Variants in RGS6 observed in about 807,000 individuals in gnomAD.
RGS6 encodes the protein regulator of G protein signaling 6, also known as regulator of G-protein signaling 6.
RGS6 carries 30 observed loss-of-function variants against 78.5 expected under a neutral mutation model. That is an observed-to-expected ratio of 0.38 (90% confidence interval 0.29 to 0.52). The LOEUF (loss-of-function observed/expected upper bound fraction) is 0.52, where lower values mean the gene tolerates loss of function less well. RGS6 is among the 20% of genes least tolerant of loss of function. The pLI, the probability that RGS6 is intolerant of heterozygous loss-of-function variation, is 0.85. For missense variants in RGS6, 495 were observed against 609.7 expected (o/e 0.81, Z 1.98); for synonymous variants, 206 against 206.0 (o/e 1.00, Z 0.00).
intron 2 of RGS6, among the ~76,000 whole-genome samples, chr14:72,222,738 A>G (rs1316666993): frequency 1.3e-5 from 2 of 152,224 alleles, no homozygotes; most frequent in Admixed American, 6.5e-5. Flanking sequence ...ACTAATAGAG[A>G]TGTTATTAGT....
chr14:72,182,880 T>C (rs1279771960), intron 2 of RGS6, among the ~76,000 whole-genome samples: 13 of 152,208 alleles, frequency 8.5e-5, no homozygotes, highest in Admixed American at 8.5e-4. Flanking sequence ...CATTTAGTGT[T>C]GTTGTCGTTG....
chr14:72,404,859 A>G (rs962614043), intron 3 of RGS6, among the ~76,000 whole-genome samples: 4 of 152,154 alleles, frequency 2.6e-5, no homozygotes, highest in Admixed American at 2.0e-4. Flanking sequence ...GGTGGCACCC[A>G]CTGTAAGAGA....
chr14:72,093,134 A>G (rs1181743289), intron 2 of RGS6, among the ~76,000 whole-genome samples: 1 of 152,170 alleles, frequency 6.6e-6, no homozygotes, highest in African/African-American at 2.4e-5. Flanking sequence ...AGCCTCATGT[A>G]TATCCCTCTT....
chr14:72,148,675 G>A (rs1008658184), intron 2 of RGS6, among the ~76,000 whole-genome samples: 1 of 152,104 alleles, frequency 6.6e-6, no homozygotes, highest in Non-Finnish European at 1.5e-5. Context: ...TGGGGGCAGG[G>A]TTATTAGCAT....
chr14:72,476,832 C>G lies in RGS6; in HGVS notation c.784C>G (p.Arg262Gly), dbSNP rs1396901014. ...CAGGAAAACAACAAAAGAGGACATCCGGAAACAGGTGAATGAATTGACAGC... is the reference window on the plus strand; with the variant it reads ...CAGGAAAACAACAAAAGAGGACATCGGGAAACAGGTGAATGAATTGACAGC... ...PIRKTTKEDI[R>G]KQITFLNAQI... Residue 262 changes from arginine (R) to glycine (G), a missense_variant, in exon 11 of 18, where the codon CGG (arginine) becomes GGG (glycine). Coordinates refer to ENST00000553525, the MANE Select transcript of RGS6 (RefSeq NM_001204424.2). 6.2e-7 allele frequency: 1 copy of G among 1,613,760 alleles called. No homozygotes were observed. The highest frequency in any genetic ancestry group is 8.5e-7 in the Non-Finnish European group (1 of 1,179,780).
intron 2 of RGS6, among the ~76,000 whole-genome samples, chr14:72,065,207 A>G (rs1490166739): frequency 6.6e-6 from 1 of 152,166 alleles, no homozygotes; most frequent in Non-Finnish European, 1.5e-5. Context: ...CATTGGCTTC[A>G]TTTTGGTTTC....
the RGS6 span, among the ~76,000 whole-genome samples, chr14:71,910,173 G>C: frequency 6.6e-6 from 1 of 151,396 alleles, no homozygotes; most frequent in Non-Finnish European, 1.5e-5. Flanking sequence ...CTAGGCAACA[G>C]AGCGAGACTC....
intron 2 of RGS6, among the ~76,000 whole-genome samples, chr14:72,201,564 C>T (rs557490236): frequency 3.5e-4 from 53 of 152,284 alleles, no homozygotes; most frequent in African/African-American, 1.3e-3. Flanking sequence ...AGTTAATCTA[C>T]AAGAATCTTA....
chr14:72,044,158 C>G (rs978237294), intron 2 of RGS6, among the ~76,000 whole-genome samples: 13 of 152,210 alleles, frequency 8.5e-5, no homozygotes, highest in African/African-American at 3.1e-4. Flanking sequence ...TAGATTCTCT[C>G]TTACAGTTTC....
chr14:72,586,400 C>T, the RGS6 span, among the ~76,000 whole-genome samples: 2 of 152,184 alleles, frequency 1.3e-5, no homozygotes, highest in African/African-American at 2.4e-5. Context: ...TCCTCTCTCT[C>T]GTGCTTCCTC....
intron 3 of RGS6, among the ~76,000 whole-genome samples, chr14:72,374,535 T>G (rs1484737631): frequency 6.6e-6 from 1 of 152,220 alleles, no homozygotes; most frequent in Non-Finnish European, 1.5e-5. Flanking sequence ...AATTTAAACT[T>G]TCTCTATTTC....
chr14:72,451,692 G>T (rs951777211), intron 3 of RGS6, among the ~76,000 whole-genome samples: 1 of 152,186 alleles, frequency 6.6e-6, no homozygotes, highest in African/African-American at 2.4e-5. Context: ...CCGCAGGCCT[G>T]GGGGAGAACT....
At chr14:72,546,899 T>C (rs1850987648) in intron 17 of RGS6, among the ~76,000 whole-genome samples, 1 of 152,216 alleles carries the variant, frequency 6.6e-6, no homozygotes, top group South Asian at 2.1e-4. Flanking sequence ...GCCTTCGCCA[T>C]GACAGTGCCT....
intron 2 of RGS6, among the ~76,000 whole-genome samples, chr14:72,099,954 A>T (rs1219078223): frequency 6.6e-6 from 1 of 152,044 alleles, no homozygotes; most frequent in East Asian, 1.9e-4. Context: ...TAAACATGGG[A>T]ATGTCGTAAT....
Position 72,146,530 on chromosome 14 carries a change from T to C in RGS6, c.84+181655T>C, listed in dbSNP as rs113163801. ...AAATTCCCCTCCAGCTGTGAGCCTGTGAAATTAAACAATTTATCTATTTTT... is the reference window on the plus strand; with the variant it reads ...AAATTCCCCTCCAGCTGTGAGCCTGCGAAATTAAACAATTTATCTATTTTT... On this transcript the variant is annotated intron_variant, in intron 2 of 17. Transcript: ENST00000553525. Among the ~76,000 whole-genome samples the C allele has an allele frequency of 7.7e-3, 1,174 of 152,298 alleles. 13 individuals are homozygous for C. Among genetic ancestry groups the C allele is most frequent in the African/African-American group, 0.025 (1,056 of 41,562 alleles).
intron 2 of RGS6, among the ~76,000 whole-genome samples, chr14:72,309,540 G>A (rs2068058277): frequency 6.6e-6 from 1 of 152,220 alleles, no homozygotes; most frequent in Non-Finnish European, 1.5e-5. Context: ...TTGGTAGTTT[G>A]TATATTTGCA....
intron 4 of RGS6, among the ~76,000 whole-genome samples, chr14:72,457,593 A>T (rs1349575228): frequency 6.6e-6 from 1 of 152,048 alleles, no homozygotes. Context: ...TATATTCTCA[A>T]CTTTCTATGT....
chr14:71,924,355 T>G, the RGS6 span, among the ~76,000 whole-genome samples: 5 of 152,204 alleles, frequency 3.3e-5, no homozygotes, highest in African/African-American at 1.2e-4. Flanking sequence ...TCAAGCAAAT[T>G]AACATTTCCG....
Position 72,136,948 on chromosome 14 carries a change from C to T in RGS6, c.84+172073C>T, listed in dbSNP as rs191690672. ...GAGATATGTTATCCCATGTAATTTC[C>T]AAGTGAAATGGAGAGAGGATGCCTT... On this transcript the variant is annotated intron_variant, in intron 2 of 17. Transcript: ENST00000553525. Among the ~76,000 whole-genome samples the T allele has an allele frequency of 5.9e-5, 9 of 152,250 alleles. No individual in the cohort carries two copies. In the East Asian group the frequency reaches 1.7e-3, roughly 29 times the overall value.
Sources: allele counts gnomAD v4.1 joint callset (sites outside exome capture counted in the v4.1 genomes callset), GRCh38; gene constraint gnomAD v4.1.1; transcripts MANE v1.5; gene names NCBI Gene and HGNC (gene_info 2026-07-23, HGNC 2026-07-21).